CACNA1A: variants seen among roughly 807,000 people sequenced by gnomAD.
The protein encoded by CACNA1A is calcium voltage-gated channel subunit alpha1 A.
In CACNA1A, 57 loss-of-function variants were observed where a neutral mutation model predicts 262.4. The ratio of observed to expected loss-of-function variants is 0.22; its 90% confidence interval spans 0.18 to 0.27. CACNA1A has a LOEUF of 0.27. CACNA1A is among the 10% of genes least tolerant of loss of function. CACNA1A has a pLI of 1.00. For synonymous variants in CACNA1A, 1,431 were observed against 1,419.3 expected (o/e 1.01, Z -0.18); for missense variants, 2,526 against 3,562.8 (o/e 0.71, Z 7.41).
intron 10 of CACNA1A, among the ~76,000 whole-genome samples, chr19:13,317,647 A>T (rs1335475765): frequency 6.6e-6 from 1 of 152,220 alleles, no homozygotes; most frequent in Non-Finnish European, 1.5e-5. Flanking sequence ...GGCAGGATAA[A>T]GCAGAGCCTC....
At position 13,299,197 on chromosome 19, in the gene CACNA1A, C is replaced by T. The variant is rs1316752203; in HGVS notation, c.2436G>A (p.Arg812=). Residue 812 remains arginine (R), a synonymous_variant, in exon 19 of 47, where the codon CGG becomes CGA. Transcript: ENST00000360228. The part of the protein sequence containing the change: ...RWKAAYTRHL[R]PDMKTHLDRP... ...GGTCCAAGTGCGTCTTCATGTCTGGCCGCAGGTGCCGCGTGTAGGCAGCCT... is the reference window on the plus strand; with the variant it reads ...GGTCCAAGTGCGTCTTCATGTCTGGTCGCAGGTGCCGCGTGTAGGCAGCCT... 1 of 1,612,394 alleles carries T rather than the reference C, an allele frequency of 6.2e-7. No homozygotes were observed. Among genetic ancestry groups the T allele is most frequent in the East Asian group, 2.2e-5 (1 of 44,882 alleles).
chr19:13,396,076 A>C (rs1446446364), intron 3 of CACNA1A, among the ~76,000 whole-genome samples: 3 of 152,248 alleles, frequency 2.0e-5, no homozygotes, highest in Non-Finnish European at 4.4e-5. Context: ...GTGCAAACAC[A>C]TTAAATAAAT....
Position 13,207,454 on chromosome 19 carries a change from C to T in CACNA1A, c.7380G>A (p.Pro2460=), listed in dbSNP as rs1391223678. ...RSPRTPRASG[P]ACASPSRHGR... is the part of the protein sequence containing the mutation. ...CGTGCCGAGAAGGCGAGGCGCAGGC[C>T]GGGCCCGAGGCCCGGGGAGTCCTGG... The change falls in exon 47 of 47, where the codon CCG becomes CCA. Residue 2460 remains proline (P), a synonymous_variant. Transcript: ENST00000360228. This position sits in a 1 kb window ranked among gnomAD's most constrained non-coding sequence, Gnocchi z 5.7. 3 of 1,502,872 alleles carry T rather than the reference C, an allele frequency of 2.0e-6. No homozygotes were observed. The highest frequency in any genetic ancestry group is 2.4e-5 in the South Asian group (2 of 82,582). The allele number at this position is 1,502,872 out of a possible 1,614,324, so 93.1% of individuals were successfully genotyped here. A position where few individuals can be genotyped will look rare whatever the true frequency, so the allele number is the denominator to read the frequency against.
intron 23 of CACNA1A, among the ~76,000 whole-genome samples, chr19:13,276,296 C>T (rs559679373): frequency 6.6e-6 from 1 of 152,210 alleles, no homozygotes; most frequent in Non-Finnish European, 1.5e-5. Context: ...AATCTGTCCA[C>T]TTCTCACCTC....
In CACNA1A at chr19:13,356,224, G is replaced by T. The variant is rs572530269; in HGVS notation, c.978+3382C>A. Among the ~76,000 whole-genome samples, 94 of 152,314 alleles carry T rather than the reference G, an allele frequency of 6.2e-4. 1 individual carries two copies. Among genetic ancestry groups the T allele is most frequent in the African/African-American group, 2.2e-3 (92 of 41,580 alleles). ...TAAAAGGAACACCATGCAGGGTGGG[G>T]AATTTGACTTACACGGAGGTCACCC... On this transcript the variant is annotated intron_variant, in intron 6 of 46. Transcript: ENST00000360228.
intron 3 of CACNA1A, among the ~76,000 whole-genome samples, chr19:13,394,325 A>G (rs1215539327): frequency 6.6e-6 from 1 of 152,178 alleles, no homozygotes; most frequent in Admixed American, 6.6e-5. Flanking sequence ...TTGGAAAAGT[A>G]AAAGGACAAG....
chr19:13,212,288 G>A lies in CACNA1A; in HGVS notation c.6190-72C>T. On this transcript the variant is annotated intron_variant, in intron 42 of 46. Transcript: ENST00000360228. This position sits in a 1 kb window ranked among gnomAD's most constrained non-coding sequence, Gnocchi z 5.6. ...CAGATCCCTGGTGTCTGCAGAGGGAGGGAGCTGCAGGTGTGTGTGTGTGGG... is the reference window on the plus strand; with the variant it reads ...CAGATCCCTGGTGTCTGCAGAGGGAAGGAGCTGCAGGTGTGTGTGTGTGGG... 6.4e-7 allele frequency: 1 copy of A among 1,566,072 alleles called. No homozygotes were observed. The highest frequency in any genetic ancestry group is 1.7e-5 in the Admixed American group (1 of 58,464).
chr19:13,273,295 T>A (rs2057069443), intron 24 of CACNA1A: 1 of 152,306 alleles, frequency 6.6e-6, no homozygotes, highest in East Asian at 1.9e-4. Flanking sequence ...ATATGCTGTT[T>A]ATTAGCTAAA....
intron 29 of CACNA1A, among the ~76,000 whole-genome samples, chr19:13,254,195 G>A (rs1736059836): frequency 6.6e-6 from 1 of 152,106 alleles, no homozygotes; most frequent in Admixed American, 6.6e-5. Context: ...GTCACTGGTT[G>A]CTTGTACAAA....
chr19:13,387,087 G>C (rs756002668), intron 3 of CACNA1A, among the ~76,000 whole-genome samples: 2 of 151,978 alleles, frequency 1.3e-5, no homozygotes, highest in Non-Finnish European at 2.9e-5. Context: ...GAGTAGCTGG[G>C]ACTACAGGCG....
intron 3 of CACNA1A, among the ~76,000 whole-genome samples, chr19:13,377,932 A>G (rs1000122243): frequency 2.0e-5 from 3 of 152,116 alleles, no homozygotes; most frequent in African/African-American, 7.2e-5. Context: ...GTTCAAGACC[A>G]GTCTGGGCAA....
At chr19:13,234,815 C>G in intron 34 of CACNA1A, 106 bp downstream of exon 34, 1 of 778,846 alleles carries the variant, frequency 1.3e-6, no homozygotes, top group Non-Finnish European at 2.2e-6. Flanking sequence ...GAGGAGGGCA[C>G]GTCTTGCATT....
chr19:13,216,233 G>C (rs928583691), intron 38 of CACNA1A, among the ~76,000 whole-genome samples: 2 of 152,184 alleles, frequency 1.3e-5, no homozygotes, highest in Admixed American at 1.3e-4. Context: ...GAGTACATGG[G>C]GGGGTTCCTC....
At chr19:13,265,938 G>C (rs562338714) in intron 24 of CACNA1A, among the ~76,000 whole-genome samples, 1 of 151,170 alleles carries the variant, frequency 6.6e-6, no homozygotes, top group South Asian at 2.1e-4. Flanking sequence ...TCTGCCTCCC[G>C]GGTTCAAGAA....
intron 3 of CACNA1A, among the ~76,000 whole-genome samples, chr19:13,383,893 C>A (rs922417061): frequency 1.3e-5 from 2 of 152,182 alleles, no homozygotes; most frequent in South Asian, 4.1e-4. Context: ...CAGCTCACTG[C>A]GGACTTGACC....
At chr19:13,359,533 A>C in intron 6 of CACNA1A, 73 bp downstream of exon 6, 1 of 1,190,556 alleles carries the variant, frequency 8.4e-7, no homozygotes, top group Non-Finnish European at 1.2e-6. Context: ...GCAGCCTTGG[A>C]GTCTCACTGG....
At chr19:13,461,628 G>A (rs1237503157) in intron 1 of CACNA1A, among the ~76,000 whole-genome samples, 1 of 152,194 alleles carries the variant, frequency 6.6e-6, no homozygotes, top group African/African-American at 2.4e-5. Context: ...GGGGGCAGGC[G>A]AGGCTTTCTC....
At chr19:13,482,109 A>G (rs1464646273) in intron 1 of CACNA1A, among the ~76,000 whole-genome samples, 1 of 152,172 alleles carries the variant, frequency 6.6e-6, no homozygotes, top group Non-Finnish European at 1.5e-5. Flanking sequence ...AAGGGAGAAA[A>G]AAAGAAGAGA....
intron 1 of CACNA1A, among the ~76,000 whole-genome samples, chr19:13,460,851 G>T (rs2061108514): frequency 6.6e-6 from 1 of 151,850 alleles, no homozygotes; most frequent in Non-Finnish European, 1.5e-5. Flanking sequence ...AACCCCCTTA[G>T]CCTGCTTATT....
Sources: gnomAD v4.1 joint callset for allele counts (sites outside exome capture counted in the v4.1 genomes callset) on GRCh38, gnomAD v4.1.1 for gene constraint, Gnocchi (gnomAD v3.1) non-coding constraint, MANE v1.5 for transcripts, NCBI Gene and HGNC (gene_info 2026-07-23, HGNC 2026-07-21) for gene names.